MOCS1: variants seen among roughly 807,000 people sequenced by gnomAD.
The protein encoded by MOCS1 is molybdenum cofactor synthesis 1, also known as molybdenum cofactor biosynthesis protein 1.
In MOCS1, 39 loss-of-function variants were observed where a neutral mutation model predicts 57.6. That is an observed-to-expected ratio of 0.68 (90% CI 0.52 to 0.88). MOCS1 has a LOEUF of 0.88. Ranked by LOEUF, MOCS1 falls within the 40% of genes least tolerant of loss-of-function variation. The probability of loss-of-function intolerance (pLI) is 0.00; values close to 1 mark genes in which losing one functional copy is unlikely to be tolerated. For missense variants in MOCS1, 795 were observed against 831.1 expected (o/e 0.96, Z 0.53); for synonymous variants, 334 against 335.7 (o/e 1.00, Z 0.05).
rs1019322998 is a variant in MOCS1, at chr6:39,904,742, T to G, written c.*1615A>C. The G allele has an allele frequency of 8.8e-6, 4 of 454,030 alleles. No homozygotes were observed. Among genetic ancestry groups the G allele is most frequent in the Non-Finnish European group, 1.8e-5 (4 of 226,808 alleles). The allele number at this position is 454,030 out of a possible 1,614,324, so 28.1% of individuals were successfully genotyped here. A position where few individuals can be genotyped will look rare whatever the true frequency, so the allele number is the denominator to read the frequency against. On this transcript the variant is annotated 3_prime_UTR_variant, in exon 11 of 11. Transcript: ENST00000340692. ...GGATGCCTTCACGCCAAGGCTGTTC[T>G]CACCAGCTGCCTCAGATGACAAATG...
intron 3 of MOCS1, among the ~76,000 whole-genome samples, chr6:39,918,388 G>T (rs899433855): frequency 6.6e-6 from 1 of 152,208 alleles, no homozygotes; most frequent in Admixed American, 6.5e-5. Context: ...ACACAATCAT[G>T]GTGTAAGAAT....
Position 39,912,385 on chromosome 6 carries a change from G to T in MOCS1, c.871-11C>A. On this transcript the variant is annotated splice_polypyrimidine_tract_variant and intron_variant, in intron 7 of 10. Transcript: ENST00000340692. ...AGGGATTTTAAAGGCCTGGGCAGGGGAGAGTGGGAGCAAAAGGGCAGTGGA... is the reference window on the plus strand; with the variant it reads ...AGGGATTTTAAAGGCCTGGGCAGGGTAGAGTGGGAGCAAAAGGGCAGTGGA... The T allele has an allele frequency of 6.3e-7, 1 of 1,596,186 alleles. No homozygotes were observed. The highest frequency in any genetic ancestry group is 1.3e-5 in the African/African-American group (1 of 74,622).
chr6:39,933,804 G>T (rs1007624168), intron 1 of MOCS1, among the ~76,000 whole-genome samples: 9 of 152,104 alleles, frequency 5.9e-5, no homozygotes, highest in Non-Finnish European at 1.2e-4. Flanking sequence ...GTCAGCAAAG[G>T]ATGGGTTACA....
At chr6:39,923,952 T>A (rs1039811966) in intron 3 of MOCS1, among the ~76,000 whole-genome samples, 1 of 152,076 alleles carries the variant, frequency 6.6e-6, no homozygotes, top group Non-Finnish European at 1.5e-5. Flanking sequence ...AGCGAACAAT[T>A]ACTGAGCTAG....
At chr6:39,919,094 G>A (rs574433993) in intron 3 of MOCS1, among the ~76,000 whole-genome samples, 6 of 152,312 alleles carry the variant, frequency 3.9e-5, no homozygotes, top group East Asian at 3.9e-4. Context: ...AGCAGGTTAC[G>A]TTGTATTCTT....
chr6:39,913,031 G>A, intron 6 of MOCS1, 27 bp from the exon 7 acceptor site: 1 of 1,596,238 alleles, frequency 6.3e-7, no homozygotes, highest in Non-Finnish European at 8.6e-7. Flanking sequence ...GGAAGGCAAG[G>A]GGAGCTTCTG....
Position 39,906,643 on chromosome 6 carries a change from T to C in MOCS1, c.1625A>G (p.Gln542Arg). ...ALVVAQLAGV[Q>R]AAKVTSQLIP... ...CAGCTGGCTGGTCACCTTGGCTGCC[T>C]GGACTCCAGCCAGCTGGGCCACCAC... Residue 542 changes from glutamine to arginine, a missense_variant, in exon 11 of 11, where the codon CAG becomes CGG. Gln to Arg is a conservative substitution (Grantham distance 43, BLOSUM62 1). Transcript: ENST00000340692. 6.2e-7 allele frequency: 1 copy of C among 1,613,884 alleles called. No individual in the cohort carries two copies. The highest frequency in any genetic ancestry group is 8.5e-7 in the Non-Finnish European group (1 of 1,180,046).
chr6:39,908,564 T>C (rs1243598535), intron 10 of MOCS1, among the ~76,000 whole-genome samples: 1 of 152,128 alleles, frequency 6.6e-6, no homozygotes, highest in Non-Finnish European at 1.5e-5. Flanking sequence ...ATGTTACATG[T>C]GAGTAACATT....
At position 39,922,606 on chromosome 6, in the gene MOCS1, G is replaced by A. The variant is rs558631965; in HGVS notation, c.418+3072C>T. Among the ~76,000 whole-genome samples the A allele has an allele frequency of 3.3e-5, 5 of 152,240 alleles. No individual in the cohort carries two copies. The South Asian group carries it at 8.3e-4, about 25-fold the overall frequency. ...TAAACCCATCTCAGCTGAAAAGAAGGGGCATGGGACTTTGTCTGCACACGA... is the reference window on the plus strand; with the variant it reads ...TAAACCCATCTCAGCTGAAAAGAAGAGGCATGGGACTTTGTCTGCACACGA... On this transcript the variant is annotated intron_variant, in intron 3 of 10. Transcript: ENST00000340692.
chr6:39,927,498 G>T, intron 1 of MOCS1, 43 bp from the exon 2 acceptor site: 2 of 1,609,834 alleles, frequency 1.2e-6, no homozygotes, highest in Non-Finnish European at 1.7e-6. Flanking sequence ...CCCTGCTACC[G>T]GGCTGGGAAG....
In MOCS1 at chr6:39,904,554, C is replaced by T. The variant is rs1766697185; in HGVS notation, c.*1803G>A. The T allele has an allele frequency of 6.6e-6, 3 of 453,558 alleles. No homozygotes were observed. The highest frequency in any genetic ancestry group is 4.7e-5 in the South Asian group (3 of 64,464). The allele number at this position is 453,558 out of a possible 1,614,324, so 28.1% of individuals were successfully genotyped here. On this transcript the variant is annotated 3_prime_UTR_variant, in exon 11 of 11. Coordinates refer to ENST00000340692, the MANE Select transcript of MOCS1 (RefSeq NM_001358530.2). Reference sequence around the variant, plus strand: ...ATCAACCTAACAAACACAACCTTCTCAGCAGCATTTCTCCCCTGTGATGGA... The same window carrying T: ...ATCAACCTAACAAACACAACCTTCTTAGCAGCATTTCTCCCCTGTGATGGA...
chr6:39,913,455 G>GATGTGCA (rs776075372), intron 5 of MOCS1, 27 bp from the exon 6 acceptor site: 1 of 1,593,770 alleles, frequency 6.3e-7, no homozygotes, highest in Non-Finnish European at 8.6e-7. Flanking sequence ...GGGACCATGA[G>GATGTGCA]GGCTGTGCCC....
rs565210358 is a variant in MOCS1, at chr6:39,906,179, T to C, written c.*178A>G. ...CCCTATAGAAAGGAAGCCCCATTGG[T>C]CATTAGAGATCATCTAGCAGCAGGC... On this transcript the variant is annotated 3_prime_UTR_variant, in exon 11 of 11. Transcript: ENST00000340692. The C allele has an allele frequency of 3.2e-5, 26 of 822,924 alleles. No individual in the cohort carries two copies. The African/African-American group carries it at 3.5e-4, about 11-fold the overall frequency. The allele number at this position is 822,924 out of a possible 1,614,324, so 51.0% of individuals were successfully genotyped here.
intron 1 of MOCS1, chr6:39,932,345 C>T (rs1768686897): frequency 6.6e-6 from 1 of 152,242 alleles, no homozygotes; most frequent in Non-Finnish European, 1.5e-5. Context: ...GTGCCCTCCC[C>T]CATCTTATGA....
chr6:39,925,591 G>A, intron 3 of MOCS1, 87 bp downstream of exon 3: 1 of 1,485,162 alleles, frequency 6.7e-7, no homozygotes, highest in South Asian at 1.1e-5. Flanking sequence ...CTAAATGAAT[G>A]TCAGCTGCCA....
In MOCS1 at chr6:39,934,321, C is replaced by G. The variant is rs1768799616; in HGVS notation, c.97G>C (p.Gly33Arg). 1.9e-6 allele frequency: 3 copies of G among 1,548,672 alleles called. No individual in the cohort carries two copies. The highest frequency in any genetic ancestry group is 2.6e-6 in the Non-Finnish European group (3 of 1,151,742). ...SGAPVTQPCPGESARAASEEV... is the reference protein window; with the variant it reads ...SGAPVTQPCPRESARAASEEV... Reference sequence around the variant, plus strand: ...TCCGAGGCAGCTCGCGCGGACTCCCCGGGGCAGGGCTGGGTCACCGGAGCC... The same window carrying G: ...TCCGAGGCAGCTCGCGCGGACTCCCGGGGGCAGGGCTGGGTCACCGGAGCC... Residue 33 changes from glycine (G) to arginine (R), a missense_variant, in exon 1 of 11, where the codon GGG becomes CGG. This residue lies in a region of MOCS1 where 416 missense variants were observed against 392.4 expected (regional missense o/e 1.06). Transcript: ENST00000340692.
At chr6:39,923,567 T>A (rs954260059) in intron 3 of MOCS1, among the ~76,000 whole-genome samples, 8 of 152,240 alleles carry the variant, frequency 5.3e-5, no homozygotes, top group African/African-American at 1.7e-4. Context: ...GGAAGTGGCC[T>A]GGATGAGGGG....
At chr6:39,920,476 C>A (rs1178152379) in intron 3 of MOCS1, among the ~76,000 whole-genome samples, 1 of 152,010 alleles carries the variant, frequency 6.6e-6, no homozygotes, top group Non-Finnish European at 1.5e-5. Context: ...GCACCGTCCA[C>A]AACAAAAAAG....
At chr6:39,922,984 C>T (rs1263956552) in intron 3 of MOCS1, among the ~76,000 whole-genome samples, 1 of 152,224 alleles carries the variant, frequency 6.6e-6, no homozygotes, top group Non-Finnish European at 1.5e-5. Context: ...GAAGCAGCTC[C>T]TCTGGGGAAG....
Sources: gnomAD v4.1 joint callset for allele counts (sites outside exome capture counted in the v4.1 genomes callset) on GRCh38, gnomAD v4.1.1 for gene constraint, gnomAD v4.1.1 regional missense constraint, MANE v1.5 for transcripts, NCBI Gene and HGNC (gene_info 2026-07-23, HGNC 2026-07-21) for gene names.